Variants in RAB3C observed in about 807,000 individuals in gnomAD.
RAB3C encodes RAB3C, member RAS oncogene family, also known as ras-related protein Rab-3C.
Under a neutral mutation model 26.4 loss-of-function variants are expected in RAB3C, and 17 were observed. That is an observed-to-expected ratio of 0.64 (90% CI 0.44 to 0.97). The LOEUF is 0.97. RAB3C is among the 50% of genes least tolerant of loss of function. RAB3C has a pLI of 0.00. For missense variants in RAB3C, 242 were observed against 281.9 expected, an observed-to-expected ratio of 0.86 and a Z score of 1.01; for synonymous variants, 91 against 95.9, an observed-to-expected ratio of 0.95 and a Z score of 0.30.
At chr5:58,759,465 A>T (rs997870818) in intron 3 of RAB3C, among the ~76,000 whole-genome samples, 1 of 152,212 alleles carries the variant, frequency 6.6e-6, no homozygotes, top group African/African-American at 2.4e-5. Context: ...ATTTACACTC[A>T]GTGAATATTT....
intron 4 of RAB3C, among the ~76,000 whole-genome samples, chr5:58,827,687 T>C (rs1429665664): frequency 3.9e-5 from 6 of 152,204 alleles, no homozygotes. Context: ...TTTTTTGCTC[T>C]CTATTCAATA....
At chr5:58,838,084 A>G (rs1743789257) in intron 4 of RAB3C, among the ~76,000 whole-genome samples, 1 of 152,066 alleles carries the variant, frequency 6.6e-6, no homozygotes, top group African/African-American at 2.4e-5. Flanking sequence ...ATTGTGTTAT[A>G]AAAACAACTT....
intron 2 of RAB3C, among the ~76,000 whole-genome samples, chr5:58,698,215 T>A (rs960165217): frequency 6.6e-6 from 1 of 152,228 alleles, no homozygotes; most frequent in Non-Finnish European, 1.5e-5. Context: ...AAATTCTGGG[T>A]TGAAAATTCT....
chr5:58,616,669 C>G (rs75867498), intron 1 of RAB3C, among the ~76,000 whole-genome samples: 2,164 of 152,142 alleles, frequency 0.014, 46 homozygotes, highest in African/African-American at 0.049. Flanking sequence ...ACAAGAATTC[C>G]AAGTTAGATA....
At chr5:58,629,051 A>T (rs1561272140) in intron 2 of RAB3C, among the ~76,000 whole-genome samples, 1 of 149,414 alleles carries the variant, frequency 6.7e-6, no homozygotes, top group Non-Finnish European at 1.5e-5. Context: ...AAAAAAAAAA[A>T]AAAAGGTGAA....
chr5:58,653,086 A>G (rs1747692888), intron 2 of RAB3C, among the ~76,000 whole-genome samples: 1 of 152,148 alleles, frequency 6.6e-6, no homozygotes, highest in Non-Finnish European at 1.5e-5. Flanking sequence ...CCCGTCATCT[A>G]CTAATGTAGA....
chr5:58,668,412 A>G (rs1429284887), intron 2 of RAB3C, among the ~76,000 whole-genome samples: 2 of 152,202 alleles, frequency 1.3e-5, no homozygotes, highest in South Asian at 2.1e-4. Context: ...TAGATTTAAT[A>G]TCAGACTGAA....
At chr5:58,802,599 G>C (rs1240008616) in intron 3 of RAB3C, among the ~76,000 whole-genome samples, 1 of 152,180 alleles carries the variant, frequency 6.6e-6, no homozygotes, top group Non-Finnish European at 1.5e-5. Context: ...ACTAAGAGAT[G>C]GGTCTAAAAA....
At chr5:58,609,690 C>T (rs1746655872) in intron 1 of RAB3C, among the ~76,000 whole-genome samples, 3 of 152,130 alleles carry the variant, frequency 2.0e-5, no homozygotes. Context: ...TGGTTTGCAT[C>T]TTGAAAGCAT....
rs1744118224 is a variant in RAB3C, at chr5:58,851,687, A to G, written c.*336A>G. On this transcript the variant is annotated 3_prime_UTR_variant, in exon 5 of 5. Coordinates refer to ENST00000282878, the MANE Select transcript of RAB3C (RefSeq NM_138453.4). ...TCTCACTACAACTGGCTTTTGTCCC[A>G]TTGATTCAAATTATGCTATTCACTT... 1 of 204,586 alleles carries G rather than the reference A, an allele frequency of 4.9e-6. No individual in the cohort carries two copies. 12.7% of individuals were successfully genotyped at this position (204,586 alleles called of 1,614,324 possible).
chr5:58,651,180 A>G (rs767736573), intron 2 of RAB3C, among the ~76,000 whole-genome samples: 100 of 152,324 alleles, frequency 6.6e-4, no homozygotes, highest in Admixed American at 1.1e-3. Flanking sequence ...TTTCACATAA[A>G]CTATGTCACA....
At chr5:58,610,222 G>GTGTGTGTGTGTGTA (rs1203631534) in intron 1 of RAB3C, among the ~76,000 whole-genome samples, 1 of 151,588 alleles carries the variant, frequency 6.6e-6, no homozygotes, top group South Asian at 2.1e-4. Context: ...GTGTGTGTGT[G>GTGTGTGTGTGTGTA]TACATACGTT....
chr5:58,816,570 C>T (rs896746489), intron 3 of RAB3C, among the ~76,000 whole-genome samples: 3 of 152,144 alleles, frequency 2.0e-5, no homozygotes, highest in Non-Finnish European at 4.4e-5. Flanking sequence ...AGTGGTAAGG[C>T]CTGGGGGATA....
At chr5:58,700,103 C>A (rs1748810565) in intron 2 of RAB3C, among the ~76,000 whole-genome samples, 1 of 152,274 alleles carries the variant, frequency 6.6e-6, no homozygotes, top group African/African-American at 2.4e-5. Flanking sequence ...TTGGAACGCC[C>A]CCAATCTGTT....
Position 58,617,713 on chromosome 5 carries a change from A to G in RAB3C, c.95A>G (p.Lys32Arg). ...GATCAGAACTTTGACTACATGTTCA[A>G]ATTACTCATCATCGGCAATAGCAGT... ...SSDQNFDYMFKLLIIGNSSVG... is the reference protein window; with the variant it reads ...SSDQNFDYMFRLLIIGNSSVG... Residue 32 changes from lysine to arginine, a missense_variant, in exon 2 of 5, where the codon AAA becomes AGA. Lys to Arg is a conservative substitution (Grantham distance 26). Transcript: ENST00000282878. 6.2e-7 allele frequency: 1 copy of G among 1,614,036 alleles called. No homozygotes were observed. The highest frequency in any genetic ancestry group is 8.5e-7 in the Non-Finnish European group (1 of 1,179,930).
At chr5:58,763,190 T>A (rs1257299617) in intron 3 of RAB3C, among the ~76,000 whole-genome samples, 1 of 152,164 alleles carries the variant, frequency 6.6e-6, no homozygotes, top group East Asian at 1.9e-4. Context: ...TCCAAAAGGG[T>A]ATACTATATA....
chr5:58,840,241 G>T (rs376611961), intron 4 of RAB3C, among the ~76,000 whole-genome samples: 1 of 151,060 alleles, frequency 6.6e-6, no homozygotes, highest in South Asian at 2.1e-4. Flanking sequence ...TTTCTTCTTG[G>T]TCTAGTCTGT....
chr5:58,813,059 T>C (rs1170542932), intron 3 of RAB3C, among the ~76,000 whole-genome samples: 1 of 152,204 alleles, frequency 6.6e-6, no homozygotes, highest in Non-Finnish European at 1.5e-5. Context: ...TGTTATATGT[T>C]ATCGGATTGT....
rs374712425 is a variant in RAB3C at position 58,586,970 on chromosome 5, C to T, written c.24+3738C>T. On this transcript the variant is annotated intron_variant, in intron 1 of 4. Transcript: ENST00000282878. Reference sequence around the variant, plus strand: ...CCTAACCATATCCATCCTCAGTGATCATCCCTCTATCTTTCTGAGAAATGG... The same window carrying T: ...CCTAACCATATCCATCCTCAGTGATTATCCCTCTATCTTTCTGAGAAATGG... Among the ~76,000 whole-genome samples, 16 of 152,250 alleles carry T rather than the reference C, an allele frequency of 1.1e-4. 1 individual carries two copies. The South Asian group carries it at 1.7e-3, about 16-fold the overall frequency.
Sources: allele counts gnomAD v4.1 joint callset (sites outside exome capture counted in the v4.1 genomes callset), GRCh38; gene constraint gnomAD v4.1.1; transcripts MANE v1.5; gene names NCBI Gene and HGNC (gene_info 2026-07-23, HGNC 2026-07-21).